The following UBE2F variants were observed in gnomAD, a reference collection of about 807,000 sequenced individuals.
The protein encoded by UBE2F is ubiquitin conjugating enzyme E2 F (putative), also known as NEDD8-conjugating enzyme UBE2F.
A neutral mutation model predicts 29.6 loss-of-function variants in UBE2F; 5 were observed. The observed-to-expected ratio is 0.17, with a 90% confidence interval of 0.09 to 0.36. The LOEUF (loss-of-function observed/expected upper bound fraction) is 0.36. UBE2F is among the 10% of genes least tolerant of loss of function. The probability of loss-of-function intolerance (pLI) is 1.00; values close to 1 mark genes in which losing one functional copy is unlikely to be tolerated. For missense variants in UBE2F, 141 were observed against 228.5 expected (o/e 0.62, Z 2.47); for synonymous variants, 66 against 81.8 (o/e 0.81, Z 1.04).
intron 4 of UBE2F, among the ~76,000 whole-genome samples, chr2:237,998,797 A>G (rs1295962883): frequency 6.6e-6 from 1 of 152,178 alleles, no homozygotes. Context: ...CTACACATAT[A>G]TCAACATTTG....
intron 8 of UBE2F, 81 bp from the exon 9 acceptor site, chr2:238,035,797 C>T: frequency 1.7e-6 from 2 of 1,178,558 alleles, no homozygotes; most frequent in Non-Finnish European, 2.5e-6. Flanking sequence ...TTAGACTTCT[C>T]TTACTGTGCC....
intron 5 of UBE2F, among the ~76,000 whole-genome samples, chr2:238,022,912 G>T (rs994292805): frequency 6.6e-6 from 1 of 152,184 alleles, no homozygotes; most frequent in African/African-American, 2.4e-5. Context: ...GCAGAGTTTT[G>T]CCCTCTGTTC....
chr2:237,990,313 A>G (rs1236026725), intron 3 of UBE2F: 1 of 413,504 alleles, frequency 2.4e-6, no homozygotes, highest in Non-Finnish European at 4.8e-6. Context: ...CATTTTCCTA[A>G]TAAAAATAAA....
At chr2:238,037,553 A>T (rs190204834) in intron 9 of UBE2F, among the ~76,000 whole-genome samples, 2 of 152,144 alleles carry the variant, frequency 1.3e-5, no homozygotes, top group Admixed American at 1.3e-4. Context: ...TCTGAACCAG[A>T]TTCCCTATGG....
At chr2:238,034,405 G>T (rs534718608) in intron 8 of UBE2F, among the ~76,000 whole-genome samples, 1 of 151,868 alleles carries the variant, frequency 6.6e-6, no homozygotes, top group African/African-American at 2.4e-5. Flanking sequence ...TCCAGGCTGG[G>T]CAACAAGAGC....
intron 1 of UBE2F, among the ~76,000 whole-genome samples, chr2:237,968,551 A>T (rs772015532): frequency 5.3e-5 from 8 of 152,206 alleles, no homozygotes; most frequent in Non-Finnish European, 1.2e-4. Flanking sequence ...ATTGTAAATA[A>T]GTAGCCCCCT....
intron 4 of UBE2F, among the ~76,000 whole-genome samples, chr2:238,009,322 G>A (rs949344373): frequency 2.6e-5 from 4 of 152,016 alleles, no homozygotes; most frequent in South Asian, 4.1e-4. Flanking sequence ...TTCTGTGATC[G>A]TTTTCTGGCA....
intron 4 of UBE2F, among the ~76,000 whole-genome samples, chr2:238,012,827 A>G (rs1009876051): frequency 1.3e-5 from 2 of 152,102 alleles, no homozygotes; most frequent in Admixed American, 6.6e-5. Context: ...TTGGCTCTCA[A>G]AGGGGTAATG....
chr2:237,970,624 G>A (rs1423158218), intron 1 of UBE2F, among the ~76,000 whole-genome samples: 2 of 152,210 alleles, frequency 1.3e-5, no homozygotes, highest in East Asian at 1.9e-4. Context: ...GGGGTTTAGG[G>A]TATGTGTATG....
At chr2:238,001,445 T>C (rs920135576) in intron 4 of UBE2F, among the ~76,000 whole-genome samples, 1 of 152,182 alleles carries the variant, frequency 6.6e-6, no homozygotes. Context: ...ATAGAAAAAA[T>C]TCTGATTAGA....
Position 238,016,505 on chromosome 2 carries a change from T to C in UBE2F, c.215-61T>C, listed in dbSNP as rs761084933. On this transcript the variant is annotated intron_variant, in intron 4 of 9. Transcript: ENST00000272930. ...CCATATCCTAACAGAGTGTTTGCTTTTTGTTTCCTTTTTTTTTTAATTTAA... is the reference window on the plus strand; with the variant it reads ...CCATATCCTAACAGAGTGTTTGCTTCTTGTTTCCTTTTTTTTTTAATTTAA... The C allele has an allele frequency of 1.5e-5, 22 of 1,464,482 alleles. No homozygotes were observed. The South Asian group carries it at 2.5e-4, about 17-fold the overall frequency. The allele number at this position is 1,464,482 out of a possible 1,614,324, so 90.7% of individuals were successfully genotyped here.
intron 3 of UBE2F, among the ~76,000 whole-genome samples, chr2:237,994,110 T>A (rs1000893928): frequency 1.5e-4 from 2 of 12,912 alleles, no homozygotes; most frequent in African/African-American, 2.3e-4. Flanking sequence ...CTTCTTCTTC[T>A]TTTTTTTTTT....
At chr2:238,027,401 C>T (rs1298321945) in intron 6 of UBE2F, among the ~76,000 whole-genome samples, 1 of 152,210 alleles carries the variant, frequency 6.6e-6, no homozygotes, top group Non-Finnish European at 1.5e-5. Context: ...GATGTTCACT[C>T]TCATCAGTAA....
intron 1 of UBE2F, among the ~76,000 whole-genome samples, chr2:237,968,311 G>A (rs2063103007): frequency 6.6e-6 from 1 of 152,174 alleles, no homozygotes; most frequent in Non-Finnish European, 1.5e-5. Flanking sequence ...GCAGGAAGGG[G>A]CAGGTTTACT....
At position 237,991,609 on chromosome 2, in the gene UBE2F, C is replaced by CTTTCTTTCTTTTTTTTTT. The variant is rs57180067; in HGVS notation, c.149-3132_149-3131insCTTTCTTTTTTTTTTTTT. On this transcript the variant is annotated intron_variant, in intron 3 of 9. Coordinates refer to ENST00000272930, the MANE Select transcript of UBE2F (RefSeq NM_080678.3). ...AACCTTTCTTTTCTTTTCTTTCTTT[C>CTTTCTTTCTTTTTTTTTT]TTTTTTTTTTTTTGAGACAGTCTTG... Among the ~76,000 whole-genome samples, 23 of 53,050 alleles carry CTTTCTTTCTTTTTTTTTT rather than the reference C, an allele frequency of 4.3e-4. 1 individual carries two copies. The highest frequency in any genetic ancestry group is 5.6e-4 in the African/African-American group (8 of 14,370). 34.8% of individuals were successfully genotyped at this position (53,050 alleles called of 152,430 possible).
intron 4 of UBE2F, among the ~76,000 whole-genome samples, chr2:238,004,527 T>C (rs1487431960): frequency 6.6e-6 from 1 of 152,226 alleles, no homozygotes; most frequent in Non-Finnish European, 1.5e-5. Context: ...TTAAAGACCT[T>C]TTAAAGACCA....
intron 1 of UBE2F, among the ~76,000 whole-genome samples, chr2:237,972,165 A>G (rs527960879): frequency 3.9e-5 from 6 of 152,356 alleles, no homozygotes; most frequent in African/African-American, 1.4e-4. Context: ...ATATAAATAA[A>G]ACACAAATGT....
intron 2 of UBE2F, among the ~76,000 whole-genome samples, chr2:237,983,740 C>T (rs778803854): frequency 5.9e-5 from 9 of 152,140 alleles, no homozygotes; most frequent in Non-Finnish European, 1.3e-4. Context: ...TCCTGCTTTC[C>T]TGCTGTTTTG....
At chr2:238,024,486 C>G (rs1438242682) in intron 5 of UBE2F, among the ~76,000 whole-genome samples, 2 of 152,108 alleles carry the variant, frequency 1.3e-5, no homozygotes, top group Admixed American at 1.3e-4. Flanking sequence ...GCTGGGACTA[C>G]AAGCAGGAGC....
Sources: allele counts gnomAD v4.1 joint callset (sites outside exome capture counted in the v4.1 genomes callset), GRCh38; gene constraint gnomAD v4.1.1; transcripts MANE v1.5; gene names NCBI Gene and HGNC (gene_info 2026-07-23, HGNC 2026-07-21).